Variants in SETBP1 observed in about 807,000 individuals in gnomAD.
SETBP1 encodes the protein SET-binding protein.
A neutral mutation model predicts 101.0 loss-of-function variants in SETBP1; 9 were observed. That is an observed-to-expected ratio of 0.09 (90% CI 0.05 to 0.16). The LOEUF (loss-of-function observed/expected upper bound fraction) is 0.16, where lower values mean the gene tolerates loss of function less well. Among genes scored for constraint, SETBP1 ranks in the 10% least tolerant of loss-of-function variants. The probability of loss-of-function intolerance (pLI) is 1.00; values close to 1 mark genes in which losing one functional copy is unlikely to be tolerated. For synonymous variants in SETBP1, 818 were observed against 788.5 expected, an observed-to-expected ratio of 1.04 and a Z score of -0.63; for missense variants, 1,858 against 2,033.8, an observed-to-expected ratio of 0.91 and a Z score of 1.66.
intron 4 of SETBP1, among the ~76,000 whole-genome samples, chr18:45,021,109 A>G (rs377673316): frequency 3.9e-5 from 6 of 152,248 alleles, no homozygotes; most frequent in African/African-American, 1.4e-4. Context: ...CTCAGCAGAC[A>G]TCTGTTGAAC....
intron 4 of SETBP1, among the ~76,000 whole-genome samples, chr18:44,973,873 G>T (rs960089638): frequency 6.6e-6 from 1 of 152,140 alleles, no homozygotes; most frequent in Non-Finnish European, 1.5e-5. Context: ...CCACACAAAG[G>T]TTTTAAGCTG....
intron 1 of SETBP1, among the ~76,000 whole-genome samples, chr18:44,688,185 G>A (rs556841988): frequency 2.0e-5 from 3 of 152,290 alleles, no homozygotes; most frequent in Admixed American, 1.3e-4. Flanking sequence ...AAAGGAGCAT[G>A]CAATATTGTT....
Position 45,063,422 on chromosome 18 carries a change from C to A in SETBP1, c.4515C>A (p.Ile1505=). ...AGCCCGCCGCCAGCCAAGACACCAT[C>A]ATGGCCACCATCGAGGCGGTCATCC... The part of the protein sequence containing the change: ...VLEPAASQDT[I]MATIEAVIHM... Residue 1505 remains isoleucine, a synonymous_variant, in exon 6 of 6, where the codon ATC becomes ATA. Coordinates refer to ENST00000649279, the MANE Select transcript of SETBP1 (RefSeq NM_015559.3). 1 of 1,519,854 alleles carries A rather than the reference C, an allele frequency of 6.6e-7. No homozygotes were observed. The allele number at this position is 1,519,854 out of a possible 1,614,324, so 94.1% of individuals were successfully genotyped here.
chr18:44,930,435 A>C (rs1444938913), intron 3 of SETBP1, among the ~76,000 whole-genome samples: 2 of 152,096 alleles, frequency 1.3e-5, no homozygotes, highest in African/African-American at 4.8e-5. Context: ...TGGTATCAGG[A>C]TGATGTTGGC....
chr18:44,786,014 C>T (rs923656855), intron 2 of SETBP1, among the ~76,000 whole-genome samples: 1 of 152,172 alleles, frequency 6.6e-6, no homozygotes, highest in African/African-American at 2.4e-5. Context: ...ATATGACCTT[C>T]TCTGTTTCAT....
intron 3 of SETBP1, among the ~76,000 whole-genome samples, chr18:44,937,227 C>T (rs191188842): frequency 0.01 from 1,563 of 151,728 alleles, 74 homozygotes; most frequent in Admixed American, 0.082. Context: ...CCGAGGCGGG[C>T]GGATCACGAG....
chr18:44,843,894 G>A (rs938632799), intron 2 of SETBP1, among the ~76,000 whole-genome samples: 1 of 152,154 alleles, frequency 6.6e-6, no homozygotes, highest in African/African-American at 2.4e-5. Flanking sequence ...TTATCAGAGT[G>A]TCCTCCCAAC....
At chr18:45,043,705 T>C (rs2073556351) in intron 5 of SETBP1, among the ~76,000 whole-genome samples, 1 of 152,246 alleles carries the variant, frequency 6.6e-6, no homozygotes, top group South Asian at 2.1e-4. Context: ...GGACTAATGT[T>C]AGGGAAATCA....
intron 4 of SETBP1, among the ~76,000 whole-genome samples, chr18:45,036,971 T>C (rs1022306437): frequency 1.3e-5 from 2 of 152,242 alleles, no homozygotes; most frequent in Non-Finnish European, 2.9e-5. Context: ...CTTTTAGAAA[T>C]GTGTTCCCTT....
chr18:45,057,281 C>G (rs556837657), intron 5 of SETBP1, among the ~76,000 whole-genome samples: 26 of 152,054 alleles, frequency 1.7e-4, no homozygotes, highest in African/African-American at 6.3e-4. Flanking sequence ...AGTTTGCATG[C>G]CAAGGTAGGT....
At chr18:45,040,149 T>C (rs1308322935) in intron 5 of SETBP1, among the ~76,000 whole-genome samples, 2 of 152,220 alleles carry the variant, frequency 1.3e-5, no homozygotes, top group Non-Finnish European at 2.9e-5. Flanking sequence ...AAACTCTTGC[T>C]CTGAAGGAAT....
chr18:44,683,338 C>A (rs752539600), intron 1 of SETBP1, among the ~76,000 whole-genome samples: 1 of 152,090 alleles, frequency 6.6e-6, no homozygotes, highest in Non-Finnish European at 1.5e-5. Flanking sequence ...TTGTAAATCA[C>A]CTGACCTAAA....
chr18:44,977,153 G>A (rs977822527), intron 4 of SETBP1, among the ~76,000 whole-genome samples: 1 of 152,166 alleles, frequency 6.6e-6, no homozygotes, highest in African/African-American at 2.4e-5. Flanking sequence ...CATTGAAAAG[G>A]TTTCCTTCTG....
chr18:44,869,535 A>T, intron 3 of SETBP1: 2 of 422,310 alleles, frequency 4.7e-6, no homozygotes, highest in East Asian at 5.0e-5. Context: ...AGAGATCAAG[A>T]TGCTCGGAAT....
At chr18:45,015,237 G>A (rs1049031382) in intron 4 of SETBP1, among the ~76,000 whole-genome samples, 12 of 152,312 alleles carry the variant, frequency 7.9e-5, no homozygotes, top group East Asian at 1.9e-4. Flanking sequence ...CTCAAAAGTC[G>A]TATTTCCACT....
chr18:44,901,504 G>A (rs1386338469), intron 3 of SETBP1, among the ~76,000 whole-genome samples: 1 of 152,178 alleles, frequency 6.6e-6, no homozygotes, highest in Admixed American at 6.6e-5. Flanking sequence ...TTCAGCCTGT[G>A]GCCATGTGGG....
intron 5 of SETBP1, among the ~76,000 whole-genome samples, chr18:45,056,626 G>T (rs1042968936): frequency 1.3e-5 from 2 of 152,248 alleles, no homozygotes; most frequent in Non-Finnish European, 2.9e-5. Context: ...GCAGAGAGGA[G>T]GTGAACAGTG....
intron 2 of SETBP1, among the ~76,000 whole-genome samples, chr18:44,854,337 A>G (rs995673346): frequency 6.6e-6 from 1 of 152,204 alleles, no homozygotes; most frequent in Non-Finnish European, 1.5e-5. Context: ...TCTGGGATTT[A>G]CTCAGGTACA....
Position 44,915,228 on chromosome 18 carries a change from C to G in SETBP1, c.541-34653C>G, listed in dbSNP as rs2070399672. ...ACTTCATTATGCTCCAGGACACCAG[C>G]TTTCCAAGCAGTTCTCCTGACTTCA... is the stretch of plus-strand genomic sequence containing the variant. On this transcript the variant is annotated intron_variant, in intron 3 of 5. Transcript: ENST00000649279. 2.6e-5 allele frequency among the ~76,000 whole-genome samples: 4 copies of G among 152,266 alleles called. No individual in the cohort carries two copies. In the South Asian group the frequency reaches 8.3e-4, roughly 32 times the overall value.
Sources: gnomAD v4.1 joint callset for allele counts (sites outside exome capture counted in the v4.1 genomes callset) on GRCh38, gnomAD v4.1.1 for gene constraint, MANE v1.5 for transcripts, NCBI Gene and HGNC (gene_info 2026-07-23, HGNC 2026-07-21) for gene names.